Variants in CMPK1 observed in about 807,000 individuals in gnomAD.
The protein encoded by CMPK1 is UMP-CMP kinase.
CMPK1 carries 10 observed loss-of-function variants against 25.7 expected under a neutral mutation model. That is an observed-to-expected ratio of 0.39 (90% CI 0.24 to 0.66). The LOEUF is 0.66. Among genes scored for constraint, CMPK1 ranks in the 30% least tolerant of loss-of-function variants. CMPK1 has a pLI of 0.48. For synonymous variants in CMPK1, 106 were observed against 101.5 expected, an observed-to-expected ratio of 1.04 and a Z score of -0.27; for missense variants, 199 against 280.5, an observed-to-expected ratio of 0.71 and a Z score of 2.08.
chr1:47,334,954 G>A (rs1321129014), intron 1 of CMPK1, among the ~76,000 whole-genome samples: 5 of 152,140 alleles, frequency 3.3e-5, no homozygotes, highest in African/African-American at 1.2e-4. Context: ...CTTTGAGACA[G>A]GTTACCAGTT....
chr1:47,343,126 AC>A (rs1426470438), intron 1 of CMPK1, among the ~76,000 whole-genome samples: 1 of 151,546 alleles, frequency 6.6e-6, no homozygotes, highest in Non-Finnish European at 1.5e-5. Flanking sequence ...AGCTGAGAAT[AC>A]AGGCACATGC....
intron 1 of CMPK1, among the ~76,000 whole-genome samples, chr1:47,359,871 A>T (rs555842360): frequency 6.6e-6 from 1 of 152,254 alleles, no homozygotes; most frequent in Non-Finnish European, 1.5e-5. Flanking sequence ...GAGTGATTTG[A>T]TGTATACAAA....
rs1428562950 is a variant in CMPK1, at chr1:47,334,050, G to C, written c.105G>C (p.Pro35=). The C allele has an allele frequency of 1.3e-6, 2 of 1,551,524 alleles. No homozygotes were observed. The highest frequency in any genetic ancestry group is 4.9e-5 in the East Asian group (2 of 40,932). ...TCTGCTCTCCACGTCTCATGAAGCC[G>C]CTGGTCGTGTTCGTCCTCGGCGGCC... ...ILLCSPRLMK[P]LVVFVLGGPG... The change falls in exon 1 of 6, where the codon CCG becomes CCC. Residue 35 remains proline, a synonymous_variant. Transcript: ENST00000371873.
At chr1:47,347,426 C>A (rs1214815044) in intron 1 of CMPK1, among the ~76,000 whole-genome samples, 1 of 152,098 alleles carries the variant, frequency 6.6e-6, no homozygotes, top group Non-Finnish European at 1.5e-5. Flanking sequence ...CCAGGCTGGT[C>A]TTGAACTCCT....
At chr1:47,349,083 GA>G (rs1487526157) in intron 1 of CMPK1, among the ~76,000 whole-genome samples, 1 of 152,192 alleles carries the variant, frequency 6.6e-6, no homozygotes, top group Non-Finnish European at 1.5e-5. Flanking sequence ...GAATCAGGCT[GA>G]ATCAAGGTGG....
intron 1 of CMPK1, among the ~76,000 whole-genome samples, chr1:47,366,541 G>A (rs1420410859): frequency 6.6e-6 from 1 of 151,980 alleles, no homozygotes; most frequent in Non-Finnish European, 1.5e-5. Flanking sequence ...AGCATTATTA[G>A]CAAAATCCTT....
intron 1 of CMPK1, among the ~76,000 whole-genome samples, chr1:47,339,276 C>T (rs1646421969): frequency 6.6e-6 from 1 of 152,172 alleles, no homozygotes; most frequent in South Asian, 2.1e-4. Context: ...TCCTAAAGTA[C>T]TGAGATTACA....
intron 1 of CMPK1, among the ~76,000 whole-genome samples, chr1:47,364,637 TATA>T (rs1646626515): frequency 6.8e-6 from 1 of 148,128 alleles, no homozygotes; most frequent in South Asian, 2.1e-4. Context: ...ATTTTTAATA[TATA>T]ATAATATAAA....
chr1:47,357,237 G>C (rs1004975178), intron 1 of CMPK1, among the ~76,000 whole-genome samples: 4 of 152,116 alleles, frequency 2.6e-5, no homozygotes, highest in Non-Finnish European at 5.9e-5. Context: ...AAAGTGCTGA[G>C]ATTACAGGCG....
chr1:47,368,178 T>G (rs1255316695), intron 1 of CMPK1, among the ~76,000 whole-genome samples: 1 of 152,096 alleles, frequency 6.6e-6, no homozygotes, highest in East Asian at 1.9e-4. Context: ...ACTCCTGACC[T>G]CATGATCCAC....
At chr1:47,358,086 A>T in intron 1 of CMPK1, among the ~76,000 whole-genome samples, 1 of 127,018 alleles carries the variant, frequency 7.9e-6, no homozygotes, top group African/African-American at 2.9e-5. Flanking sequence ...ACCTATCTTG[A>T]GTGCTGTCAT....
At chr1:47,368,439 T>C in intron 1 of CMPK1, 30 bp from the exon 2 acceptor site, 1 of 1,566,066 alleles carries the variant, frequency 6.4e-7, no homozygotes. Context: ...GAATGAATTC[T>C]GATATTTTTC....
At chr1:47,372,143 G>T (rs1426612524) in intron 2 of CMPK1, among the ~76,000 whole-genome samples, 2 of 150,848 alleles carry the variant, frequency 1.3e-5, no homozygotes, top group Non-Finnish European at 2.9e-5. Context: ...CGCCAGGCTG[G>T]AGTGCTGTGG....
intron 1 of CMPK1, among the ~76,000 whole-genome samples, chr1:47,336,903 G>T (rs1205224043): frequency 6.6e-6 from 1 of 152,226 alleles, no homozygotes; most frequent in East Asian, 1.9e-4. Flanking sequence ...TTTAAATACA[G>T]TATGCTGTTT....
intron 1 of CMPK1, among the ~76,000 whole-genome samples, chr1:47,365,972 TC>T (rs1387832073): frequency 6.6e-6 from 1 of 152,150 alleles, no homozygotes; most frequent in Non-Finnish European, 1.5e-5. Flanking sequence ...GGTGGGTAGA[TC>T]ACCTGAGGTT....
intron 3 of CMPK1, 55 bp downstream of exon 3, chr1:47,373,162 T>A: frequency 6.7e-7 from 1 of 1,490,208 alleles, no homozygotes; most frequent in South Asian, 1.3e-5. Context: ...TAGTCAACTA[T>A]TAGAAAAAAC....
At chr1:47,370,644 A>AG (rs1169478567) in intron 2 of CMPK1, among the ~76,000 whole-genome samples, 1 of 146,194 alleles carries the variant, frequency 6.8e-6, no homozygotes, top group African/African-American at 2.5e-5. Flanking sequence ...CTGTTTCTTA[A>AG]AAAAAAAAAA....
intron 1 of CMPK1, among the ~76,000 whole-genome samples, chr1:47,352,668 G>A (rs1390849760): frequency 6.6e-6 from 1 of 152,180 alleles, no homozygotes; most frequent in East Asian, 1.9e-4. Flanking sequence ...TTTTTCTATT[G>A]TGTAGTCATG....
intron 2 of CMPK1, 74 bp from the exon 3 acceptor site, chr1:47,372,881 T>C: frequency 1.8e-6 from 2 of 1,132,098 alleles, no homozygotes; most frequent in Non-Finnish European, 2.5e-6. Context: ...AAAACACCCA[T>C]GTATACACTA....
Sources: gnomAD v4.1 joint callset for allele counts (sites outside exome capture counted in the v4.1 genomes callset) on GRCh38, gnomAD v4.1.1 for gene constraint, MANE v1.5 for transcripts, NCBI Gene and HGNC (gene_info 2026-07-23, HGNC 2026-07-21) for gene names.